CSMD1: variants seen among roughly 807,000 people sequenced by gnomAD.
CSMD1 encodes CUB and Sushi multiple domains 1, also known as CUB and sushi domain-containing protein 1.
In CSMD1, 213 loss-of-function variants were observed where a neutral mutation model predicts 417.5. That is an observed-to-expected ratio of 0.51 (90% CI 0.46 to 0.57). CSMD1 has a LOEUF of 0.57. Ranked by LOEUF, CSMD1 falls within the 20% of genes least tolerant of loss-of-function variation. The pLI is 0.00. For missense variants in CSMD1, 6,923 were observed against 4,529.7 expected, an observed-to-expected ratio of 1.53 and a Z score of -15.17; for synonymous variants, 2,862 against 1,736.8, an observed-to-expected ratio of 1.65 and a Z score of -16.11.
intron 5 of CSMD1, among the ~76,000 whole-genome samples, chr8:3,762,909 A>T (rs1798089490): frequency 6.6e-6 from 1 of 152,170 alleles, no homozygotes; most frequent in Non-Finnish European, 1.5e-5. Context: ...AATAAAATCA[A>T]CTTTCACCTG....
At chr8:4,625,384 T>G (rs1802037064) in intron 2 of CSMD1, among the ~76,000 whole-genome samples, 1 of 152,102 alleles carries the variant, frequency 6.6e-6, no homozygotes, top group Non-Finnish European at 1.5e-5. Flanking sequence ...CTTCCCCATG[T>G]AAGAAACATG....
chr8:3,106,601 C>A lies in CSMD1; in HGVS notation c.6876G>T (p.Leu2292Phe), dbSNP rs541019245. The A allele has an allele frequency of 6.2e-7, 1 of 1,613,710 alleles. No individual in the cohort carries two copies. The highest frequency in any genetic ancestry group is 8.5e-7 in the Non-Finnish European group (1 of 1,179,774). The change falls in exon 46 of 70, where the codon TTG (leucine) becomes TTT (phenylalanine). Residue 2292 changes from leucine (L) to phenylalanine (F), a missense_variant. Transcript: ENST00000635120. Reference protein sequence around the residue: ...VKYQCHPGYTLVGTDILTCKL... With the variant: ...VKYQCHPGYTFVGTDILTCKL... The stretch of plus-strand genomic sequence containing the variant: ...TGCAAGTCAGAATGTCGGTCCCCAC[C>A]AAGGTGTACCCGGGGTGGCACTGGT...
chr8:3,917,792 T>C (rs1251898524), intron 5 of CSMD1, among the ~76,000 whole-genome samples: 1 of 152,078 alleles, frequency 6.6e-6, no homozygotes, highest in African/African-American at 2.4e-5. Flanking sequence ...CACCTATTAT[T>C]AGTTTTGCCA....
Position 3,507,419 on chromosome 8 carries a change from G to A in CSMD1, c.1345-13693C>T, listed in dbSNP as rs188155128. 6.0e-4 allele frequency among the ~76,000 whole-genome samples: 91 copies of A among 152,286 alleles called. 2 individuals carry two copies. In the East Asian group the frequency reaches 0.011, roughly 18 times the overall value. ...CAGTCTATCATTGTTGGACATTTGG[G>A]TTGGTTCCAAGTCTTTGCTATTGTG... On this transcript the variant is annotated intron_variant, in intron 10 of 69. Coordinates refer to ENST00000635120, the MANE Select transcript of CSMD1 (RefSeq NM_033225.6).
At chr8:4,541,454 G>A (rs767002588) in intron 2 of CSMD1, among the ~76,000 whole-genome samples, 13 of 152,096 alleles carry the variant, frequency 8.5e-5, no homozygotes, top group African/African-American at 1.2e-4. Context: ...GGTGTCCCAC[G>A]TTATCAAAAA....
intron 10 of CSMD1, among the ~76,000 whole-genome samples, chr8:3,574,015 T>C (rs1335860802): frequency 6.6e-6 from 1 of 152,138 alleles, no homozygotes; most frequent in Non-Finnish European, 1.5e-5. Context: ...ATGAGTATGA[T>C]TTCTATCCTA....
intron 50 of CSMD1, among the ~76,000 whole-genome samples, chr8:3,041,443 T>A (rs1447446256): frequency 6.6e-6 from 1 of 152,194 alleles, no homozygotes; most frequent in South Asian, 2.1e-4. Flanking sequence ...ATACACACCT[T>A]GAAAACCTTT....
Position 4,368,999 on chromosome 8 carries a change from G to GT in CSMD1, c.415+50953dup, listed in dbSNP as rs1186518790. On this transcript the variant is annotated intron_variant, in intron 3 of 69. Transcript: ENST00000635120. ...TTATTTTCTGCTATGTTTGGGGATG[G>GT]TTTGCTCTGGTTTTTCTAGTTCCTC... is the stretch of plus-strand genomic sequence containing the variant. Among the ~76,000 whole-genome samples the GT allele has an allele frequency of 2.0e-5, 3 of 152,102 alleles. No homozygotes were observed. In the East Asian group the frequency reaches 5.8e-4, roughly 29 times the overall value.
At chr8:4,479,633 C>T (rs904072504) in intron 2 of CSMD1, among the ~76,000 whole-genome samples, 5 of 152,070 alleles carry the variant, frequency 3.3e-5, no homozygotes, top group African/African-American at 1.2e-4. Context: ...CAGTGGCTCA[C>T]GCCTGTAATC....
At chr8:4,961,585 T>C (rs1437267776) in intron 1 of CSMD1, among the ~76,000 whole-genome samples, 3 of 152,200 alleles carry the variant, frequency 2.0e-5, no homozygotes, top group Admixed American at 2.0e-4. Context: ...CTAGTGCTCA[T>C]GGTTACTGTG....
intron 7 of CSMD1, among the ~76,000 whole-genome samples, chr8:3,695,947 C>G (rs888540454): frequency 1.3e-5 from 2 of 152,008 alleles, no homozygotes; most frequent in African/African-American, 4.8e-5. Flanking sequence ...CAAATCAGAC[C>G]TTCCAAAAAC....
At chr8:4,875,341 G>T (rs907215782) in intron 1 of CSMD1, among the ~76,000 whole-genome samples, 1 of 152,008 alleles carries the variant, frequency 6.6e-6, no homozygotes, top group Admixed American at 6.6e-5. Context: ...GACGGTTATT[G>T]AATATTTTGG....
intron 5 of CSMD1, among the ~76,000 whole-genome samples, chr8:3,995,544 G>A (rs17330534): frequency 0.053 from 7,994 of 152,218 alleles, 269 homozygotes; most frequent in Non-Finnish European, 0.077. Context: ...CTGACTGAGG[G>A]GCTATACATA....
At chr8:3,576,604 T>C (rs73660305) in intron 9 of CSMD1, among the ~76,000 whole-genome samples, 1,627 of 152,334 alleles carry the variant, frequency 0.011, 28 homozygotes, top group African/African-American at 0.037. Context: ...TGGCATTTAC[T>C]GTCCAAATGA....
At chr8:3,993,991 G>C (rs1411511237) in intron 5 of CSMD1, among the ~76,000 whole-genome samples, 2 of 152,186 alleles carry the variant, frequency 1.3e-5, no homozygotes, top group African/African-American at 2.4e-5. Flanking sequence ...GGGGCAAACT[G>C]CAAGGGGATG....
chr8:3,385,095 T>A (rs1190684325), intron 18 of CSMD1, among the ~76,000 whole-genome samples: 41 of 83,016 alleles, frequency 4.9e-4, no homozygotes, highest in African/African-American at 2.1e-3. Context: ...ATATATAAAA[T>A]ATATATATAA....
intron 3 of CSMD1, among the ~76,000 whole-genome samples, chr8:4,386,144 G>A (rs1011708961): frequency 2.0e-5 from 3 of 152,054 alleles, no homozygotes; most frequent in African/African-American, 7.2e-5. Context: ...TCCGTCCCTG[G>A]TTATGACTTC....
chr8:3,060,450 A>G (rs916259581), intron 49 of CSMD1, among the ~76,000 whole-genome samples: 1 of 152,158 alleles, frequency 6.6e-6, no homozygotes, highest in Admixed American at 6.5e-5. Flanking sequence ...TCGTCTCACA[A>G]AGTGCTGGGA....
intron 1 of CSMD1, among the ~76,000 whole-genome samples, chr8:4,735,462 G>A (rs938398443): frequency 6.6e-5 from 10 of 152,110 alleles, no homozygotes; most frequent in African/African-American, 9.7e-5. Flanking sequence ...GTTGTAGGAC[G>A]ACAGATTTCC....
Sources: gnomAD v4.1 joint callset for allele counts (sites outside exome capture counted in the v4.1 genomes callset) on GRCh38, gnomAD v4.1.1 for gene constraint, MANE v1.5 for transcripts, NCBI Gene and HGNC (gene_info 2026-07-23, HGNC 2026-07-21) for gene names.